The following NRG3 variants were observed in gnomAD, a reference collection of about 807,000 sequenced individuals.
The protein encoded by NRG3 is neuregulin 3.
A neutral mutation model predicts 66.9 loss-of-function variants in NRG3; 31 were observed. The observed-to-expected ratio is 0.46, with a 90% CI of 0.35 to 0.63. The LOEUF (loss-of-function observed/expected upper bound fraction) is 0.63. Among genes scored for constraint, NRG3 ranks in the 20% least tolerant of loss-of-function variants. NRG3 has a pLI of 0.00. For synonymous variants in NRG3, 393 were observed against 359.4 expected, an observed-to-expected ratio of 1.09 and a Z score of -1.06; for missense variants, 910 against 878.9, an observed-to-expected ratio of 1.04 and a Z score of -0.45.
At chr10:82,057,276 C>T (rs12765720) in intron 1 of NRG3, among the ~76,000 whole-genome samples, 37,248 of 151,066 alleles carry the variant, frequency 0.25, 4,703 homozygotes, top group Middle Eastern at 0.33. Flanking sequence ...TTATCAAATA[C>T]GTATGTATAA....
intron 1 of NRG3, among the ~76,000 whole-genome samples, chr10:82,191,433 C>G (rs1417349165): frequency 6.6e-6 from 1 of 152,154 alleles, no homozygotes; most frequent in African/African-American, 2.4e-5. Context: ...TCTCCTTCAT[C>G]TCCTTTCCCA....
chr10:82,701,526 A>G (rs765762492), intron 2 of NRG3, among the ~76,000 whole-genome samples: 27 of 152,158 alleles, frequency 1.8e-4, no homozygotes, highest in Non-Finnish European at 1.0e-4. Context: ...ATAGAGCCCT[A>G]TGATCAAGCA....
intron 2 of NRG3, among the ~76,000 whole-genome samples, chr10:82,638,958 T>A: frequency 6.6e-6 from 1 of 152,148 alleles, no homozygotes; most frequent in East Asian, 1.9e-4. Context: ...TATTTTTTTT[T>A]AATCTTCTAT....
intron 1 of NRG3, among the ~76,000 whole-genome samples, chr10:82,311,468 G>T (rs2081022415): frequency 6.6e-6 from 1 of 152,026 alleles, no homozygotes; most frequent in South Asian, 2.1e-4. Context: ...TCTCATGATT[G>T]GTAAAGCACT....
At chr10:81,888,877 GC>G (rs1842811180) in intron 1 of NRG3, among the ~76,000 whole-genome samples, 1 of 152,154 alleles carries the variant, frequency 6.6e-6, no homozygotes, top group African/African-American at 2.4e-5. Context: ...AGAGGAATGA[GC>G]AGCGAATTTT....
intron 1 of NRG3, among the ~76,000 whole-genome samples, chr10:82,294,164 C>G (rs1454441662): frequency 6.6e-6 from 1 of 152,134 alleles, no homozygotes; most frequent in Non-Finnish European, 1.5e-5. Flanking sequence ...TTAATTTTAG[C>G]CTCAGTCTTC....
In NRG3 at chr10:82,934,417, A is replaced by G. The variant is rs559509175; in HGVS notation, c.1055-17052A>G. Among the ~76,000 whole-genome samples, 25 of 152,324 alleles carry G rather than the reference A, an allele frequency of 1.6e-4. No homozygotes were observed. In the South Asian group the frequency reaches 4.6e-3, roughly 28 times the overall value. ...CCTCCAATCACCTTGTGGGTCATGTATGGATTGTCTTGCTTCTGCATTTAT... is the reference window on the plus strand; with the variant it reads ...CCTCCAATCACCTTGTGGGTCATGTGTGGATTGTCTTGCTTCTGCATTTAT... On this transcript the variant is annotated intron_variant, in intron 4 of 8. Coordinates refer to ENST00000372141, the MANE Select transcript of NRG3 (RefSeq NM_001010848.4).
At chr10:82,294,938 T>G (rs2079972316) in intron 1 of NRG3, among the ~76,000 whole-genome samples, 1 of 152,146 alleles carries the variant, frequency 6.6e-6, no homozygotes, top group East Asian at 1.9e-4. Context: ...TAGCCCTGCA[T>G]TACTAAGAGC....
chr10:82,920,161 A>G (rs936871990), intron 4 of NRG3, among the ~76,000 whole-genome samples: 21 of 152,308 alleles, frequency 1.4e-4, no homozygotes, highest in Admixed American at 1.0e-3. Flanking sequence ...CTAGAGGCTG[A>G]AGGAACTGTA....
intron 3 of NRG3, among the ~76,000 whole-genome samples, chr10:82,754,149 GTATT>G (rs781586643): frequency 9.2e-5 from 14 of 151,488 alleles, no homozygotes; most frequent in East Asian, 7.7e-4. Flanking sequence ...GTATTAAATC[GTATT>G]TATTTATTAA....
At chr10:82,971,680 G>A (rs1851754755) in intron 6 of NRG3, among the ~76,000 whole-genome samples, 1 of 151,996 alleles carries the variant, frequency 6.6e-6, no homozygotes, top group East Asian at 1.9e-4. Context: ...CAGGTGATCT[G>A]CCTGCCTCAG....
chr10:82,901,330 A>G (rs1028792410), intron 4 of NRG3, among the ~76,000 whole-genome samples: 2 of 151,922 alleles, frequency 1.3e-5, no homozygotes, highest in Non-Finnish European at 2.9e-5. Context: ...TGAAATCTCT[A>G]TGTGTTTGTG....
chr10:82,079,131 G>C (rs1290954759), intron 1 of NRG3, among the ~76,000 whole-genome samples: 2 of 150,530 alleles, frequency 1.3e-5, no homozygotes, highest in Non-Finnish European at 3.0e-5. Flanking sequence ...TGCAACCTCC[G>C]CCTCCCGGGT....
chr10:82,820,112 A>C (rs1163673898), intron 3 of NRG3, among the ~76,000 whole-genome samples: 1 of 152,136 alleles, frequency 6.6e-6, no homozygotes, highest in Non-Finnish European at 1.5e-5. Context: ...AAATGAGGAG[A>C]GGTTTGGATA....
intron 1 of NRG3, among the ~76,000 whole-genome samples, chr10:82,016,533 A>G (rs948826262): frequency 9.9e-5 from 15 of 152,114 alleles, no homozygotes; most frequent in Non-Finnish European, 4.4e-5. Context: ...TTTCACATTT[A>G]TTTGCCATAA....
chr10:82,447,824 A>G (rs1054093136), intron 2 of NRG3, among the ~76,000 whole-genome samples: 4 of 152,214 alleles, frequency 2.6e-5, no homozygotes, highest in African/African-American at 9.6e-5. Context: ...TTCAATGAAT[A>G]TACAAAATCT....
intron 2 of NRG3, among the ~76,000 whole-genome samples, chr10:82,476,985 C>T (rs1841840791): frequency 6.6e-6 from 1 of 152,162 alleles, no homozygotes; most frequent in Non-Finnish European, 1.5e-5. Flanking sequence ...CAGACTTTCC[C>T]TTTTGGAAAG....
intron 2 of NRG3, among the ~76,000 whole-genome samples, chr10:82,363,844 T>C (rs1352320482): frequency 2.6e-5 from 4 of 152,218 alleles, no homozygotes; most frequent in Non-Finnish European, 5.9e-5. Flanking sequence ...GTATGAATTA[T>C]GAATTTAAAT....
At chr10:82,278,961 C>A (rs1589567875) in intron 1 of NRG3, among the ~76,000 whole-genome samples, 1 of 152,140 alleles carries the variant, frequency 6.6e-6, no homozygotes, top group Non-Finnish European at 1.5e-5. Context: ...ACAGTATTGT[C>A]CTATGTGCTT....
Sources: gnomAD v4.1 joint callset for allele counts (sites outside exome capture counted in the v4.1 genomes callset) on GRCh38, gnomAD v4.1.1 for gene constraint, MANE v1.5 for transcripts, NCBI Gene and HGNC (gene_info 2026-07-23, HGNC 2026-07-21) for gene names.